Variants in KCNA3 observed in about 807,000 individuals in gnomAD.
KCNA3 encodes the protein RP11-284N8.3.
A neutral mutation model predicts 34.3 loss-of-function variants in KCNA3; 18 were observed. The observed-to-expected ratio is 0.52, with a 90% CI of 0.36 to 0.78. The LOEUF (loss-of-function observed/expected upper bound fraction) is 0.78. Among genes scored for constraint, KCNA3 ranks in the 30% least tolerant of loss-of-function variants. KCNA3 has a pLI of 0.00. For missense variants in KCNA3, 587 were observed against 802.5 expected (o/e 0.73, Z 3.24); for synonymous variants, 324 against 351.7 (o/e 0.92, Z 0.88).
chr1:110,656,459 A>AT, the KCNA3 span: 1 of 152,254 alleles, frequency 6.6e-6, no homozygotes, highest in African/African-American at 2.4e-5. Context: ...ACATATACAC[A>AT]TATAACAATG....
chr1:110,668,602 A>G (rs565587433), downstream of KCNA3, among the ~76,000 whole-genome samples: 3 of 152,282 alleles, frequency 2.0e-5, no homozygotes, highest in African/African-American at 7.2e-5. Context: ...AACTGACATA[A>G]TGCTTCCTCC....
In KCNA3 at chr1:110,673,191, C is replaced by T; in HGVS notation, c.1619G>A (p.Ser540Asn). ...TTTGAAAGGGGTCTGGGGGAAAGCG[C>T]TATGGTTCATACCCCCCTCTTCGAT... The part of the protein sequence containing the change: ...MVIEEGGMNH[S>N]AFPQTPFKTG... Residue 540 changes from serine to asparagine, a missense_variant, in exon 1 of 1, where the codon AGC becomes AAC. Transcript: ENST00000369769. The surrounding 1 kb of genome is among the most constrained non-coding windows in gnomAD (Gnocchi z 8.8). The T allele has an allele frequency of 1.2e-6, 2 of 1,614,100 alleles. No individual in the cohort carries two copies. The highest frequency in any genetic ancestry group is 1.7e-6 in the Non-Finnish European group (2 of 1,180,012).
downstream of KCNA3, among the ~76,000 whole-genome samples, chr1:110,672,037 G>A (rs755390850): frequency 3.9e-5 from 6 of 152,034 alleles, no homozygotes; most frequent in South Asian, 2.1e-4. Context: ...TTTTTTGTGC[G>A]GCTTATTCAA....
In KCNA3 at chr1:110,673,206, C is replaced by T. The variant is rs758865322; in HGVS notation, c.1604G>A (p.Gly535Glu). ...SKSEYMVIEE[G>E]GMNHSAFPQT... ...GGGGAAAGCGCTATGGTTCATACCC[C>T]CCTCTTCGATCACCATATACTCCGA... The change falls in exon 1 of 1, where the codon GGG (glycine) becomes GAG (glutamate). Residue 535 changes from glycine (G) to glutamate (E), a missense_variant. Physicochemically the swap from Gly to Glu is moderately conservative, Grantham distance 98. Around this residue, in one of 7 missense-constraint regions of KCNA3, gnomAD observed 95 missense variants for 107.3 expected, o/e 0.89. Coordinates refer to ENST00000369769, the MANE Select transcript of KCNA3 (RefSeq NM_002232.5). The surrounding 1 kb of genome is among the most constrained non-coding windows in gnomAD (Gnocchi z 8.8). The T allele has an allele frequency of 1.1e-5, 17 of 1,613,982 alleles. No homozygotes were observed. Among genetic ancestry groups the T allele is most frequent in the Admixed American group, 3.3e-5 (2 of 60,006 alleles).
chr1:110,670,410 TA>T (rs1356195940), downstream of KCNA3, among the ~76,000 whole-genome samples: 10 of 152,326 alleles, frequency 6.6e-5, no homozygotes, highest in East Asian at 1.3e-3. Flanking sequence ...TGCCATTTAA[TA>T]ACCATAAGAA....
At position 110,674,489 on chromosome 1, in the gene KCNA3, G is replaced by T; in HGVS notation, c.321C>A (p.Val107=). The T allele has an allele frequency of 6.2e-7, 1 of 1,613,748 alleles. No individual in the cohort carries two copies. Among genetic ancestry groups the T allele is most frequent in the South Asian group, 1.1e-5 (1 of 91,048 alleles). ...GEQDCCGERV[V]INISGLRFET... The stretch of plus-strand genomic sequence containing the variant: ...CGAAGCGCAGCCCGGAGATGTTGAT[G>T]ACCACGCGCTCCCCGCAGCAGTCCT... Residue 107 remains valine (V), a synonymous_variant, in exon 1 of 1, where the codon GTC becomes GTA. Transcript: ENST00000369769. The surrounding 1 kb of genome is among the most constrained non-coding windows in gnomAD (Gnocchi z 6.4).
chr1:110,667,039 G>T, the KCNA3 span, among the ~76,000 whole-genome samples: 6 of 152,186 alleles, frequency 3.9e-5, no homozygotes, highest in Non-Finnish European at 7.4e-5. Context: ...TGTACTGCAG[G>T]ATAGGAAGTA....
At chr1:110,664,391 A>G in the KCNA3 span, among the ~76,000 whole-genome samples, 6 of 152,218 alleles carry the variant, frequency 3.9e-5, no homozygotes, top group African/African-American at 1.4e-4. Flanking sequence ...AAAGGATTGC[A>G]TCCCCATAAT....
chr1:110,673,371 A>ACTGC lies in KCNA3; in HGVS notation c.1438_1439insGCAG (p.Val480GlyfsTer43). ...GTGGTAGAAGTAATTGAAGTTGGAA[A>ACTGC]CAATCACGGGAACTGGCAATGCGAT... On this transcript the variant is annotated frameshift_variant, in exon 1 of 1. Transcript: ENST00000369769. LOFTEE classifies it high-confidence loss of function. The surrounding 1 kb of genome is among the most constrained non-coding windows in gnomAD (Gnocchi z 8.8). 6.2e-7 allele frequency: 1 copy of ACTGC among 1,613,924 alleles called. No homozygotes were observed. The highest frequency in any genetic ancestry group is 8.5e-7 in the Non-Finnish European group (1 of 1,179,968).
chr1:110,673,605 A>T lies in KCNA3; in HGVS notation c.1205T>A (p.Ile402Asn). The T allele has an allele frequency of 1.2e-6, 2 of 1,614,178 alleles. No homozygotes were observed. Among genetic ancestry groups the T allele is most frequent in the Non-Finnish European group, 1.7e-6 (2 of 1,180,030 alleles). The stretch of plus-strand genomic sequence containing the variant: ...GATGACCCCAATAAAGAGGAAGAAG[A>T]TGAGCAATCCCAGCTCCCGCATGGA... ...KASMRELGLL[I>N]FFLFIGVILF... Residue 402 changes from isoleucine to asparagine, a missense_variant, in exon 1 of 1, where the codon ATC becomes AAC. Coordinates refer to ENST00000369769, the MANE Select transcript of KCNA3 (RefSeq NM_002232.5). The surrounding 1 kb of genome is among the most constrained non-coding windows in gnomAD (Gnocchi z 8.8).
chr1:110,670,638 A>T (rs1266673881), downstream of KCNA3, among the ~76,000 whole-genome samples: 1 of 152,180 alleles, frequency 6.6e-6, no homozygotes, highest in Non-Finnish European at 1.5e-5. Flanking sequence ...TTTGGTCAAG[A>T]GGTAGATCAA....
rs1323295508 is a variant in KCNA3, at chr1:110,674,566, C to T, written c.244G>A (p.Gly82Ser). 6 of 1,549,574 alleles carry T rather than the reference C, an allele frequency of 3.9e-6. No homozygotes were observed. Among genetic ancestry groups the T allele is most frequent in the African/African-American group, 2.8e-5 (2 of 71,862 alleles). The change falls in exon 1 of 1, where the codon GGC (glycine) becomes AGC (serine). Residue 82 changes from glycine to serine, a missense_variant. This residue lies in a region of KCNA3 where 341 missense variants were observed against 355.4 expected (regional missense o/e 0.96). Transcript: ENST00000369769. The surrounding 1 kb of genome is among the most constrained non-coding windows in gnomAD (Gnocchi z 6.4). ...APPQGGCGGG[G>S]CDRYEPLPPS... ...GGCAGCGGCTCGTAGCGGTCGCAGC[C>T]GCCGCCGCCACAGCCGCCTTGAGGC...
At chr1:110,662,835 A>G in the KCNA3 span, among the ~76,000 whole-genome samples, 1 of 152,212 alleles carries the variant, frequency 6.6e-6, no homozygotes, top group Non-Finnish European at 1.5e-5. Flanking sequence ...ATGGTCACAC[A>G]ATAAAATGCT....
the KCNA3 span, among the ~76,000 whole-genome samples, chr1:110,661,835 C>A: frequency 6.6e-6 from 1 of 152,006 alleles, no homozygotes; most frequent in Non-Finnish European, 1.5e-5. Flanking sequence ...CAGCCGGGCG[C>A]GGTGGCTCAC....
At chr1:110,670,564 T>C (rs1294093192), downstream of KCNA3, among the ~76,000 whole-genome samples, 1 of 152,188 alleles carries the variant, frequency 6.6e-6, no homozygotes, top group Admixed American at 6.5e-5. Context: ...ATTGTTACAA[T>C]GTATCTAACA....
the KCNA3 span, among the ~76,000 whole-genome samples, chr1:110,666,888 G>A: frequency 2.0e-4 from 31 of 152,090 alleles, no homozygotes; most frequent in African/African-American, 7.5e-4. Context: ...CAATAAACCT[G>A]CATTTTAAGT....
the KCNA3 span, chr1:110,655,486 G>A: frequency 3.9e-5 from 6 of 151,944 alleles, no homozygotes; most frequent in Admixed American, 2.0e-4. Flanking sequence ...CAATATGCTA[G>A]AATCACCATT....
Position 110,673,208 on chromosome 1 carries a change from C to G in KCNA3, c.1602G>C (p.Glu534Asp). The change falls in exon 1 of 1, where the codon GAG becomes GAC. Residue 534 changes from glutamate to aspartate, a missense_variant. Glu to Asp is a conservative substitution (Grantham distance 45). This residue lies in a region of KCNA3 where 95 missense variants were observed against 107.3 expected (regional missense o/e 0.89). Transcript: ENST00000369769. The surrounding 1 kb of genome is among the most constrained non-coding windows in gnomAD (Gnocchi z 8.8). Reference sequence around the variant, plus strand: ...GGAAAGCGCTATGGTTCATACCCCCCTCTTCGATCACCATATACTCCGACT... The same window carrying G: ...GGAAAGCGCTATGGTTCATACCCCCGTCTTCGATCACCATATACTCCGACT... The part of the protein sequence containing the change: ...LSKSEYMVIE[E>D]GGMNHSAFPQ... 1 of 1,614,176 alleles carries G rather than the reference C, an allele frequency of 6.2e-7. No individual in the cohort carries two copies. The highest frequency in any genetic ancestry group is 8.5e-7 in the Non-Finnish European group (1 of 1,180,030).
the KCNA3 span, among the ~76,000 whole-genome samples, chr1:110,659,264 G>A: frequency 6.6e-6 from 1 of 151,124 alleles, no homozygotes; most frequent in Admixed American, 6.6e-5. Context: ...ATAGTTTTTG[G>A]ATGATTCGAT....
Sources: gnomAD v4.1 joint callset for allele counts (sites outside exome capture counted in the v4.1 genomes callset) on GRCh38, gnomAD v4.1.1 for gene constraint, gnomAD v4.1.1 regional missense constraint, Gnocchi (gnomAD v3.1) non-coding constraint, MANE v1.5 for transcripts, NCBI Gene and HGNC (gene_info 2026-07-23, HGNC 2026-07-21) for gene names.